AMY2B: variants seen among roughly 807,000 people sequenced by gnomAD.
AMY2B encodes the protein alpha-amylase 2B.
In AMY2B, 63 loss-of-function variants were observed where a neutral mutation model predicts 59.3. That is an observed-to-expected ratio of 1.06 (90% confidence interval 0.87 to 1.31). AMY2B has a LOEUF of 1.31. AMY2B is among the 50% of genes most tolerant of loss of function. The pLI is 0.00. For missense variants in AMY2B, 635 were observed against 626.7 expected, an observed-to-expected ratio of 1.01 and a Z score of -0.14; for synonymous variants, 180 against 198.1, an observed-to-expected ratio of 0.91 and a Z score of 0.77.
At chr1:103,576,164 G>A (rs1467019399) in intron 7 of AMY2B, among the ~76,000 whole-genome samples, 2 of 152,180 alleles carry the variant, frequency 1.3e-5, no homozygotes, top group African/African-American at 4.8e-5. Flanking sequence ...AGAGTGTACA[G>A]ATATTTGGAA....
intron 1 of AMY2B, among the ~76,000 whole-genome samples, chr1:103,559,628 A>G (rs1387513401): frequency 6.6e-6 from 1 of 152,238 alleles, no homozygotes; most frequent in Non-Finnish European, 1.5e-5. Context: ...AACTGGAAAC[A>G]TTCAATAAGA....
chr1:103,577,423 G>T lies in AMY2B; in HGVS notation c.1102-67G>T, dbSNP rs186370103. 2.5e-6 allele frequency: 4 copies of T among 1,610,428 alleles called. No individual in the cohort carries two copies. The East Asian group carries it at 8.9e-5, about 36-fold the overall frequency. On this transcript the variant is annotated intron_variant, in intron 7 of 9. Transcript: ENST00000684275. ...ACAAGTAACAGGATAGGTTGGGTTT[G>T]GTTTAAAGGAGAAGGAAGAGGTAAA...
chr1:103,569,679 G>T (rs571910006), upstream of AMY2B: 285 of 387,510 alleles, frequency 7.4e-4, no homozygotes, highest in African/African-American at 5.7e-3. Context: ...ACCAGGGCAT[G>T]ATGGTGGGCA....
intron 7 of AMY2B, 198 bp downstream of exon 7, chr1:103,575,738 C>A: frequency 2.6e-6 from 2 of 777,484 alleles, no homozygotes; most frequent in East Asian, 3.3e-5. Context: ...GTATGCAAGC[C>A]TTTTCAGACA....
In AMY2B at chr1:103,573,831, G is replaced by A. The variant is rs1220485225; in HGVS notation, c.637G>A (p.Ala213Thr). The change falls in exon 4 of 10, where the codon GCT (alanine) becomes ACT (threonine). Residue 213 changes from alanine to threonine, a missense_variant. Physicochemically the swap from Ala to Thr is moderately conservative, Grantham distance 58 (BLOSUM62 0). Coordinates refer to ENST00000684275, the MANE Select transcript of AMY2B (RefSeq NM_001387437.1). Reference sequence around the variant, plus strand: ...TGGTGTTGCAGGGTTCAGACTTGATGCTTCCAAGCACATGTGGCCTGGAGA... The same window carrying A: ...TGGTGTTGCAGGGTTCAGACTTGATACTTCCAAGCACATGTGGCCTGGAGA... Reference protein sequence around the residue: ...DIGVAGFRLDASKHMWPGDIK... With the variant: ...DIGVAGFRLDTSKHMWPGDIK... 5.0e-6 allele frequency: 8 copies of A among 1,613,846 alleles called. No homozygotes were observed. Among genetic ancestry groups the A allele is most frequent in the Non-Finnish European group, 5.9e-6 (7 of 1,179,792 alleles).
chr1:103,563,962 G>C (rs1651822809), intron 1 of AMY2B, among the ~76,000 whole-genome samples: 1 of 152,106 alleles, frequency 6.6e-6, no homozygotes, highest in Non-Finnish European at 1.5e-5. Flanking sequence ...AGTATTAGAA[G>C]TTAAGAAGGG....
At chr1:103,572,047 T>G in intron 1 of AMY2B, 63 bp from the exon 2 acceptor site, 1 of 1,606,274 alleles carries the variant, frequency 6.2e-7, no homozygotes, top group Non-Finnish European at 8.5e-7. Flanking sequence ...ATTGATTAGT[T>G]TCTAGAACAT....
In AMY2B at chr1:103,573,565, A is replaced by G. The variant is rs1166077889; in HGVS notation, c.514-143A>G. 1.1e-5 allele frequency: 15 copies of G among 1,309,536 alleles called. No individual in the cohort carries two copies. In the East Asian group the frequency reaches 3.5e-4, roughly 30 times the overall value. The allele number at this position is 1,309,536 out of a possible 1,614,324, so 81.1% of individuals were successfully genotyped here. A position where few individuals can be genotyped will look rare whatever the true frequency, so the allele number is the denominator to read the frequency against. ...TATTTCCAAGATACATCTATAGTAGAATGTGAGCATCCCCAGCGCCCAATG... is the reference window on the plus strand; with the variant it reads ...TATTTCCAAGATACATCTATAGTAGGATGTGAGCATCCCCAGCGCCCAATG... On this transcript the variant is annotated intron_variant, in intron 3 of 9. Transcript: ENST00000684275.
intron 1 of AMY2B, among the ~76,000 whole-genome samples, chr1:103,555,874 A>G (rs979725691): frequency 6.6e-6 from 1 of 152,166 alleles, no homozygotes; most frequent in African/African-American, 2.4e-5. Flanking sequence ...AGACTGATTC[A>G]GTAGAGAGAA....
At chr1:103,572,406 T>C in intron 2 of AMY2B, 150 bp downstream of exon 2, 1 of 1,410,152 alleles carries the variant, frequency 7.1e-7, no homozygotes, top group Non-Finnish European at 9.4e-7. Flanking sequence ...CGTTGCCTTA[T>C]GTTCAGCTTT....
chr1:103,577,909 T>C (rs1342803311), intron 9 of AMY2B, 64 bp downstream of exon 9: 1 of 1,588,390 alleles, frequency 6.3e-7, no homozygotes, highest in Non-Finnish European at 8.5e-7. Context: ...TTCCTTTTTT[T>C]CTGTTCATTG....
At chr1:103,566,866 A>G (rs145393828), upstream of AMY2B, among the ~76,000 whole-genome samples, 292 of 152,316 alleles carry the variant, frequency 1.9e-3, 1 homozygote, top group African/African-American at 6.8e-3. Flanking sequence ...AAAATCAATG[A>G]GGACATAACC....
At chr1:103,569,599 T>G, upstream of AMY2B, 1 of 393,822 alleles carries the variant, frequency 2.5e-6, no homozygotes, top group South Asian at 2.1e-5. Context: ...GGCTCCAGCA[T>G]GTGCAAAGCT....
intron 1 of AMY2B, among the ~76,000 whole-genome samples, chr1:103,558,562 T>C (rs929507623): frequency 6.6e-6 from 1 of 152,064 alleles, no homozygotes; most frequent in African/African-American, 2.4e-5. Flanking sequence ...GATATTTCAG[T>C]ATAAAAAATG....
rs562591514 is a variant in AMY2B at position 103,573,582 on chromosome 1, C to T, written c.514-126C>T. The T allele has an allele frequency of 6.1e-4, 848 of 1,401,280 alleles. 1 individual carries two copies. Among genetic ancestry groups the T allele is most frequent in the Middle Eastern group, 1.1e-3 (6 of 5,296 alleles). 86.8% of individuals were successfully genotyped at this position (1,401,280 alleles called of 1,614,324 possible). On this transcript the variant is annotated intron_variant, in intron 3 of 9. Coordinates refer to ENST00000684275, the MANE Select transcript of AMY2B (RefSeq NM_001387437.1). ...TATAGTAGAATGTGAGCATCCCCAG[C>T]GCCCAATGCAAGGAAGTCACTATAG...
chr1:103,570,708 A>G (rs1177060614), upstream of AMY2B: 7 of 549,720 alleles, frequency 1.3e-5, no homozygotes, highest in East Asian at 3.5e-4. Flanking sequence ...CAATTGCTTC[A>G]TGGGTTAATT....
At chr1:103,573,329 A>G in intron 3 of AMY2B, 69 bp downstream of exon 3, 4 of 1,603,046 alleles carry the variant, frequency 2.5e-6, no homozygotes, top group Non-Finnish European at 3.4e-6. Context: ...CATGTAGCTA[A>G]TTGAACTTCA....
At chr1:103,568,724 A>G (rs1651995119), upstream of AMY2B, 1 of 151,822 alleles carries the variant, frequency 6.6e-6, no homozygotes, top group South Asian at 2.1e-4. Flanking sequence ...CTTATTTGTT[A>G]TTAGGATTTA....
chr1:103,562,722 C>G (rs1282185920), intron 1 of AMY2B, among the ~76,000 whole-genome samples: 1 of 122,478 alleles, frequency 8.2e-6, no homozygotes, highest in African/African-American at 3.0e-5. Flanking sequence ...TGTTAAAAAA[C>G]TATAATATCT....
Sources: gnomAD v4.1 joint callset for allele counts (sites outside exome capture counted in the v4.1 genomes callset) on GRCh38, gnomAD v4.1.1 for gene constraint, MANE v1.5 for transcripts, NCBI Gene and HGNC (gene_info 2026-07-23, HGNC 2026-07-21) for gene names.